The following TMEM108 variants were observed in gnomAD, a reference collection of about 807,000 sequenced individuals.
The protein encoded by TMEM108 is transmembrane protein 108, also known as cancer/testis antigen 124.
A neutral mutation model predicts 35.1 loss-of-function variants in TMEM108; 12 were observed. The ratio of observed to expected loss-of-function variants is 0.34; its 90% CI spans 0.22 to 0.55. The LOEUF (loss-of-function observed/expected upper bound fraction) is 0.55, where lower values mean the gene tolerates loss of function less well. TMEM108 is among the 20% of genes least tolerant of loss of function. The pLI, the probability that TMEM108 is intolerant of heterozygous loss-of-function variation, is 0.89. For missense variants in TMEM108, 680 were observed against 753.3 expected (o/e 0.90, Z 1.14); for synonymous variants, 287 against 308.6 (o/e 0.93, Z 0.73).
At chr3:133,152,962 T>G (rs1406836827) in intron 2 of TMEM108, among the ~76,000 whole-genome samples, 2 of 152,072 alleles carry the variant, frequency 1.3e-5, no homozygotes, top group African/African-American at 4.8e-5. Flanking sequence ...GATTCAATGT[T>G]TGGGCCTGTT....
intron 2 of TMEM108, among the ~76,000 whole-genome samples, chr3:133,059,646 A>G (rs1943514039): frequency 6.6e-6 from 1 of 152,210 alleles, no homozygotes; most frequent in Non-Finnish European, 1.5e-5. Context: ...TGTATAGTGT[A>G]TTCTCAGATA....
intron 3 of TMEM108, among the ~76,000 whole-genome samples, chr3:133,252,038 A>T (rs73217540): frequency 0.044 from 6,765 of 152,224 alleles, 189 homozygotes; most frequent in Non-Finnish European, 0.064. Context: ...GTTTCCTCTT[A>T]TGGAGTTCTG....
intron 3 of TMEM108, among the ~76,000 whole-genome samples, chr3:133,279,377 C>A (rs1479898938): frequency 2.0e-5 from 3 of 152,196 alleles, no homozygotes; most frequent in Admixed American, 1.3e-4. Context: ...AATGTAAAGA[C>A]ATAACCCAAG....
intron 1 of TMEM108, among the ~76,000 whole-genome samples, chr3:133,042,132 T>C (rs1202728920): frequency 6.6e-6 from 1 of 152,198 alleles, no homozygotes; most frequent in Admixed American, 6.5e-5. Flanking sequence ...TAACTATTCT[T>C]TGTTCTCTAG....
intron 3 of TMEM108, among the ~76,000 whole-genome samples, chr3:133,301,910 A>G (rs556076422): frequency 2.0e-5 from 3 of 152,190 alleles, no homozygotes; most frequent in African/African-American, 7.2e-5. Flanking sequence ...GCCCTCCACA[A>G]ACACACCCAC....
chr3:133,273,776 A>AT (rs1250985544), intron 3 of TMEM108, among the ~76,000 whole-genome samples: 1 of 152,226 alleles, frequency 6.6e-6, no homozygotes, highest in African/African-American at 2.4e-5. Context: ...GAAGAAATAG[A>AT]TTAGCCAATC....
At chr3:133,223,292 T>C (rs1449138157) in intron 2 of TMEM108, among the ~76,000 whole-genome samples, 1 of 152,216 alleles carries the variant, frequency 6.6e-6, no homozygotes, top group East Asian at 1.9e-4. Context: ...TCTGATGTTG[T>C]CCATTAGCAG....
At chr3:133,130,369 G>A (rs1165473545) in intron 2 of TMEM108, among the ~76,000 whole-genome samples, 1 of 152,202 alleles carries the variant, frequency 6.6e-6, no homozygotes, top group Non-Finnish European at 1.5e-5. Flanking sequence ...GCTCGCCTCA[G>A]CATCAGCTGG....
chr3:133,285,909 A>T (rs900008906), intron 3 of TMEM108, among the ~76,000 whole-genome samples: 4 of 152,142 alleles, frequency 2.6e-5, no homozygotes, highest in African/African-American at 9.7e-5. Flanking sequence ...TTGTATTATA[A>T]CTGGCATTGC....
chr3:133,292,267 G>A (rs965562647), intron 3 of TMEM108, among the ~76,000 whole-genome samples: 8 of 152,304 alleles, frequency 5.3e-5, no homozygotes, highest in African/African-American at 1.4e-4. Flanking sequence ...CCAAAAAACT[G>A]CTCAGGTAGG....
chr3:133,110,700 G>GA (rs1203789317), intron 2 of TMEM108, among the ~76,000 whole-genome samples: 2 of 152,156 alleles, frequency 1.3e-5, no homozygotes, highest in African/African-American at 2.4e-5. Context: ...ACTCTGATTT[G>GA]AAACAGATAC....
At chr3:133,295,929 G>A (rs1009079138) in intron 3 of TMEM108, among the ~76,000 whole-genome samples, 1 of 152,140 alleles carries the variant, frequency 6.6e-6, no homozygotes, top group African/African-American at 2.4e-5. Context: ...GCCAAAAAAC[G>A]GTAACAGGAC....
intron 2 of TMEM108, among the ~76,000 whole-genome samples, chr3:133,148,636 T>C (rs1206202725): frequency 6.6e-6 from 1 of 152,154 alleles, no homozygotes; most frequent in African/African-American, 2.4e-5. Flanking sequence ...TTAAATTACG[T>C]TCTTGATAGC....
intron 2 of TMEM108, among the ~76,000 whole-genome samples, chr3:133,108,926 T>C (rs2107722716): frequency 6.6e-6 from 1 of 152,122 alleles, no homozygotes; most frequent in Middle Eastern, 3.4e-3. Context: ...ACATGGCACA[T>C]GTATACATAT....
intron 2 of TMEM108, among the ~76,000 whole-genome samples, chr3:133,113,835 A>G (rs1944254849): frequency 6.6e-6 from 1 of 152,180 alleles, no homozygotes; most frequent in Non-Finnish European, 1.5e-5. Flanking sequence ...CTGGGTCCCA[A>G]GGCAGTTCCC....
chr3:133,225,496 C>T (rs113875833), intron 2 of TMEM108, among the ~76,000 whole-genome samples: 2,272 of 152,236 alleles, frequency 0.015, 74 homozygotes, highest in African/African-American at 0.051. Flanking sequence ...TTCCCAGCCC[C>T]TGAAAGGAAT....
rs1223821891 is a variant in TMEM108, at chr3:133,273,653, A to T, written c.40+44302A>T. On this transcript the variant is annotated intron_variant, in intron 3 of 5. Transcript: ENST00000321871. The stretch of plus-strand genomic sequence containing the variant: ...ATGCTAGTCAAGGTGTAAATCAGAT[A>T]CTGTGTTTTAAAATGTGCTGAGTAA... Among the ~76,000 whole-genome samples, 7 of 152,286 alleles carry T rather than the reference A, an allele frequency of 4.6e-5. No individual in the cohort carries two copies. In the East Asian group the frequency reaches 1.4e-3, roughly 29 times the overall value.
At chr3:133,088,484 G>A (rs1943910094) in intron 2 of TMEM108, among the ~76,000 whole-genome samples, 1 of 152,196 alleles carries the variant, frequency 6.6e-6, no homozygotes, top group Admixed American at 6.5e-5. Context: ...AAGTAATTGA[G>A]AGGGAAGATT....
intron 3 of TMEM108, chr3:133,378,355 C>G: frequency 3.0e-6 from 3 of 985,516 alleles, no homozygotes; most frequent in South Asian, 9.4e-5. Flanking sequence ...CCTGCCTTCT[C>G]CATCAGACAC....
Sources: gnomAD v4.1 joint callset for allele counts (sites outside exome capture counted in the v4.1 genomes callset) on GRCh38, gnomAD v4.1.1 for gene constraint, MANE v1.5 for transcripts, NCBI Gene and HGNC (gene_info 2026-07-23, HGNC 2026-07-21) for gene names.